Variants in ATF7IP2 observed in about 807,000 individuals in gnomAD.
The protein encoded by ATF7IP2 is activating transcription factor 7-interacting protein 2.
ATF7IP2 carries 42 observed loss-of-function variants against 64.2 expected under a neutral mutation model. The ratio of observed to expected loss-of-function variants is 0.65; its 90% CI spans 0.51 to 0.85. The LOEUF is 0.85. ATF7IP2 is among the 40% of genes least tolerant of loss of function. The probability of loss-of-function intolerance (pLI) is 0.00; values close to 1 mark genes in which losing one functional copy is unlikely to be tolerated. For missense variants in ATF7IP2, 933 were observed against 784.2 expected (o/e 1.19, Z -2.27); for synonymous variants, 308 against 272.8 (o/e 1.13, Z -1.27).
chr16:10,457,434 A>G lies in ATF7IP2; in HGVS notation c.1257A>G (p.Glu419=), dbSNP rs1356817768. ...KNLESVNSPI[E]KSSVNYEPSN... is the part of the protein sequence containing the mutation. ...TTGAGTCAGTTAATAGTCCAATTGA[A>G]AAGTCTTCTGTGAATTATGAGCCTT... Residue 419 remains glutamate (E), a synonymous_variant, in exon 9 of 14, where the codon GAA becomes GAG. Coordinates refer to ENST00000562102, the MANE Select transcript of ATF7IP2 (RefSeq NM_001393719.1). 4 of 1,608,034 alleles carry G rather than the reference A, an allele frequency of 2.5e-6. No homozygotes were observed. The highest frequency in any genetic ancestry group is 2.2e-5 in the East Asian group (1 of 44,620).
intron 1 of ATF7IP2, among the ~76,000 whole-genome samples, chr16:10,392,576 G>A (rs1430413788): frequency 6.6e-6 from 1 of 152,062 alleles, no homozygotes; most frequent in Non-Finnish European, 1.5e-5. Context: ...CACAGAAATT[G>A]TTCAGAGACT....
chr16:10,477,468 G>A (rs2050053132), intron 12 of ATF7IP2, among the ~76,000 whole-genome samples: 1 of 152,086 alleles, frequency 6.6e-6, no homozygotes, highest in Non-Finnish European at 1.5e-5. Context: ...GTATTGATGG[G>A]ACGTATCTCA....
rs763633814 is a variant in ATF7IP2 at position 10,431,269 on chromosome 16, A to C, written c.649A>C (p.Asn217His). Residue 217 changes from asparagine to histidine, a missense_variant, in exon 5 of 14, where the codon AAC becomes CAC. By Grantham distance (68) the Asn-to-His change is moderately conservative. Coordinates refer to ENST00000562102, the MANE Select transcript of ATF7IP2 (RefSeq NM_001393719.1). Reference protein sequence around the residue: ...SESHDKRQSDNILCSEDSGFV... With the variant: ...SESHDKRQSDHILCSEDSGFV... ...ATCACATGATAAAAGGCAAAGTGAC[A>C]ACATTTTATGTTCAGAAGACTCAGG... The C allele has an allele frequency of 1.9e-6, 3 of 1,614,210 alleles. No individual in the cohort carries two copies. In the South Asian group the frequency reaches 3.3e-5, roughly 18 times the overall value.
intron 8 of ATF7IP2, among the ~76,000 whole-genome samples, chr16:10,440,963 C>T (rs1429821192): frequency 6.6e-6 from 1 of 152,124 alleles, no homozygotes. Context: ...CATGTGTTCT[C>T]ATTGTTCAAC....
At chr16:10,462,455 G>T (rs1194841966) in intron 9 of ATF7IP2, among the ~76,000 whole-genome samples, 1 of 151,958 alleles carries the variant, frequency 6.6e-6, no homozygotes, top group Non-Finnish European at 1.5e-5. Context: ...ATTTTGAAGG[G>T]TATTTTAACT....
At chr16:10,418,976 G>T (rs555267572) in intron 2 of ATF7IP2, among the ~76,000 whole-genome samples, 1 of 152,196 alleles carries the variant, frequency 6.6e-6, no homozygotes, top group Non-Finnish European at 1.5e-5. Context: ...GGTACAATTT[G>T]TGCTAAACAT....
intron 1 of ATF7IP2, among the ~76,000 whole-genome samples, chr16:10,390,262 A>T (rs1368472847): frequency 6.6e-6 from 1 of 152,220 alleles, no homozygotes; most frequent in South Asian, 2.1e-4. Context: ...ACTTCGAACT[A>T]TAACAGGAAA....
intron 8 of ATF7IP2, among the ~76,000 whole-genome samples, chr16:10,452,774 G>T (rs1370849078): frequency 6.6e-6 from 1 of 152,140 alleles, no homozygotes; most frequent in Admixed American, 6.5e-5. Context: ...TTTCAGAGAT[G>T]CCCTGTCCAG....
At chr16:10,463,133 T>C (rs927397529) in intron 9 of ATF7IP2, among the ~76,000 whole-genome samples, 2 of 152,220 alleles carry the variant, frequency 1.3e-5, no homozygotes, top group African/African-American at 4.8e-5. Flanking sequence ...TCTATTTGTG[T>C]TTGCTGTTTT....
At chr16:10,479,564 A>G (rs1393343050) in intron 12 of ATF7IP2, among the ~76,000 whole-genome samples, 1 of 152,050 alleles carries the variant, frequency 6.6e-6, no homozygotes, top group African/African-American at 2.4e-5. Context: ...TGACGAGTTA[A>G]TGGGTGCAGC....
At chr16:10,418,123 A>G (rs933101968) in intron 2 of ATF7IP2, among the ~76,000 whole-genome samples, 5 of 152,236 alleles carry the variant, frequency 3.3e-5, no homozygotes, top group East Asian at 3.8e-4. Context: ...CATTGTTTCT[A>G]TAGAGTATAG....
chr16:10,457,659 A>G (rs1439910302), intron 9 of ATF7IP2, 130 bp downstream of exon 9: 1 of 740,136 alleles, frequency 1.4e-6, no homozygotes, highest in East Asian at 3.3e-5. Context: ...CTATAGTTTT[A>G]CTTTTACATA....
intron 1 of ATF7IP2, among the ~76,000 whole-genome samples, chr16:10,392,508 G>A (rs1259560154): frequency 6.6e-6 from 1 of 151,812 alleles, no homozygotes; most frequent in Non-Finnish European, 1.5e-5. Flanking sequence ...TTAACCCCAG[G>A]CCCAAATGGC....
intron 3 of ATF7IP2, among the ~76,000 whole-genome samples, chr16:10,424,070 C>G (rs1306431636): frequency 6.6e-6 from 1 of 152,188 alleles, no homozygotes; most frequent in Non-Finnish European, 1.5e-5. Flanking sequence ...AATCGGGAAA[C>G]AAAAGGATGG....
At chr16:10,439,304 ACTGCAAGCT>A (rs1470745329) in intron 7 of ATF7IP2, among the ~76,000 whole-genome samples, 2 of 151,748 alleles carry the variant, frequency 1.3e-5, no homozygotes, top group Admixed American at 1.3e-4. Context: ...ATCTCGGCTC[ACTGCAAGCT>A]CTGCCTCAGG....
At chr16:10,436,959 G>C (rs1387404939) in intron 6 of ATF7IP2, among the ~76,000 whole-genome samples, 3 of 150,828 alleles carry the variant, frequency 2.0e-5, no homozygotes, top group Non-Finnish European at 2.9e-5. Flanking sequence ...CGATTTGTTA[G>C]AATGGCATGC....
At chr16:10,391,556 A>C (rs1297160570) in intron 1 of ATF7IP2, among the ~76,000 whole-genome samples, 2 of 152,194 alleles carry the variant, frequency 1.3e-5, no homozygotes, top group African/African-American at 4.8e-5. Flanking sequence ...CAATCTTGGT[A>C]CATGTTTAAT....
At chr16:10,397,841 G>C (rs1198555026) in intron 1 of ATF7IP2, among the ~76,000 whole-genome samples, 1 of 146,356 alleles carries the variant, frequency 6.8e-6, no homozygotes, top group Non-Finnish European at 1.5e-5. Context: ...TGGGTGACAA[G>C]AGTGAGACCT....
chr16:10,419,660 G>C (rs1212490864), intron 3 of ATF7IP2, 37 bp downstream of exon 3: 1 of 153,214 alleles, frequency 6.5e-6, no homozygotes, highest in Non-Finnish European at 1.5e-5. Flanking sequence ...GCTCGTGACA[G>C]TTGGGGTCCT....
Sources: allele counts gnomAD v4.1 joint callset (sites outside exome capture counted in the v4.1 genomes callset), GRCh38; gene constraint gnomAD v4.1.1; transcripts MANE v1.5; gene names NCBI Gene and HGNC (gene_info 2026-07-23, HGNC 2026-07-21).